The following ZNF823 variants were observed in gnomAD, a reference collection of about 807,000 sequenced individuals.
The protein encoded by ZNF823 is ZFP 36 for a zinc finger protein.
ZNF823 carries 5 observed loss-of-function variants against 11.4 expected under a neutral mutation model. That is an observed-to-expected ratio of 0.44 (90% CI 0.23 to 0.92). ZNF823 has a LOEUF of 0.92. Among genes scored for constraint, ZNF823 ranks in the 40% least tolerant of loss-of-function variants. The probability of loss-of-function intolerance (pLI) is 0.24; values close to 1 mark genes in which losing one functional copy is unlikely to be tolerated. For missense variants in ZNF823, 582 were observed against 738.5 expected, an observed-to-expected ratio of 0.79 and a Z score of 2.46; for synonymous variants, 234 against 250.5, an observed-to-expected ratio of 0.93 and a Z score of 0.62.
chr19:11,734,141 G>A lies in ZNF823; in HGVS notation c.3+4676C>T, dbSNP rs1038387103. On this transcript the variant is annotated intron_variant, in intron 1 of 3. Coordinates refer to ENST00000341191, the MANE Select transcript of ZNF823 (RefSeq NM_001080493.4). ...TCCCAGCTACTGGGGAGGCTGAGGT[G>A]GGAGGATCGCTTGAGGCTGGGAGGC... Among the ~76,000 whole-genome samples the A allele has an allele frequency of 2.6e-5, 4 of 151,774 alleles. No homozygotes were observed. The South Asian group carries it at 8.3e-4, about 32-fold the overall frequency.
intron 2 of ZNF823, among the ~76,000 whole-genome samples, chr19:11,724,980 A>G (rs1053487460): frequency 2.0e-5 from 3 of 152,276 alleles, no homozygotes; most frequent in South Asian, 4.1e-4. Context: ...TATGTTATCC[A>G]TAAGTGGGCC....
rs1245901597 is a variant in ZNF823 at position 11,723,091 on chromosome 19, T to A, written c.443A>T (p.Gln148Leu). Residue 148 changes from glutamine to leucine, a missense_variant, in exon 4 of 4, where the codon CAG becomes CTG. This residue lies in a region of ZNF823 where 429 missense variants were observed against 553.7 expected (regional missense o/e 0.77). Transcript: ENST00000341191. ...CCTTTCATGTGTCTGGAAGGAGTGC[T>A]GATGACTGATGGCTTTCCCACGTTG... The part of the protein sequence containing the change: ...HKQRGKAISH[Q>L]HSFQTHERPP... 1.2e-6 allele frequency: 2 copies of A among 1,614,120 alleles called. No homozygotes were observed. The highest frequency in any genetic ancestry group is 2.7e-5 in the African/African-American group (2 of 74,936).
At chr19:11,731,671 T>C (rs1217412217) in intron 1 of ZNF823, among the ~76,000 whole-genome samples, 1 of 152,150 alleles carries the variant, frequency 6.6e-6, no homozygotes, top group Non-Finnish European at 1.5e-5. Context: ...AACTAACCTT[T>C]TAACCAACTG....
At chr19:11,737,261 T>C (rs1975007521) in intron 1 of ZNF823, among the ~76,000 whole-genome samples, 1 of 152,068 alleles carries the variant, frequency 6.6e-6, no homozygotes, top group Non-Finnish European at 1.5e-5. Flanking sequence ...CACTATTTTT[T>C]TTTTCTTTTT....
rs971569050 is a variant in ZNF823, at chr19:11,722,022, A to G, written c.1512T>C (p.Cys504=). 5.0e-6 allele frequency: 8 copies of G among 1,614,114 alleles called. 1 individual carries two copies. In the Middle Eastern group the frequency reaches 1.2e-3, roughly 233 times the overall value. Residue 504 remains cysteine (C), a synonymous_variant, in exon 4 of 4, where the codon TGT becomes TGC. Coordinates refer to ENST00000341191, the MANE Select transcript of ZNF823 (RefSeq NM_001080493.4). This position sits in a 1 kb window ranked among gnomAD's most constrained non-coding sequence, Gnocchi z 5.2. ...TVEKPYECKT[C]RKAFSHFSNL... ...TACTGAAATGACTGAAGGCTTTTCT[A>G]CATGTTTTACACTCATAAGGTTTTT...
chr19:11,730,320 T>C (rs559768465), intron 1 of ZNF823: 2 of 152,258 alleles, frequency 1.3e-5, no homozygotes, highest in African/African-American at 4.8e-5. Flanking sequence ...GCGTGACTTA[T>C]GCCTGTCATC....
At chr19:11,737,099 T>A (rs1407954832) in intron 1 of ZNF823, among the ~76,000 whole-genome samples, 2 of 152,106 alleles carry the variant, frequency 1.3e-5, no homozygotes, top group South Asian at 4.1e-4. Flanking sequence ...GCTATGAGCA[T>A]CTTGGAGCAG....
At chr19:11,728,628 T>C (rs1974838787) in intron 1 of ZNF823, among the ~76,000 whole-genome samples, 1 of 152,098 alleles carries the variant, frequency 6.6e-6, no homozygotes, top group African/African-American at 2.4e-5. Context: ...CTACAAACTA[T>C]AGGGAATTCA....
Position 11,723,245 on chromosome 19 carries a change from G to C in ZNF823, c.289C>G (p.Pro97Ala). 6.2e-7 allele frequency: 1 copy of C among 1,614,040 alleles called. No individual in the cohort carries two copies. The highest frequency in any genetic ancestry group is 8.5e-7 in the Non-Finnish European group (1 of 1,179,932). Residue 97 changes from proline (P) to alanine (A), a missense_variant, in exon 4 of 4, where the codon CCA becomes GCA. Physicochemically the swap from Pro to Ala is conservative, Grantham distance 27. This residue lies in a region of ZNF823 where 429 missense variants were observed against 553.7 expected (regional missense o/e 0.77). Transcript: ENST00000341191. ...TCTCCACACTCACCACTGTCACATGGATTTACTCGAGGAGTGTTCTTGTTC... is the reference window on the plus strand; with the variant it reads ...TCTCCACACTCACCACTGTCACATGCATTTACTCGAGGAGTGTTCTTGTTC... Reference protein sequence around the residue: ...IVNKNTPRVNPCDSGECGEVV... With the variant: ...IVNKNTPRVNACDSGECGEVV...
intron 1 of ZNF823, among the ~76,000 whole-genome samples, chr19:11,735,720 C>A (rs558033626): frequency 6.6e-6 from 1 of 151,990 alleles, no homozygotes; most frequent in East Asian, 1.9e-4. Context: ...CTTACCCTTA[C>A]ATGCCTTACA....
rs1427752118 is a variant in ZNF823 at position 11,723,107 on chromosome 19, T to C, written c.427A>G (p.Lys143Glu). ...EKPYTHKQRGKAISHQHSFQT... is the reference protein window; with the variant it reads ...EKPYTHKQRGEAISHQHSFQT... ...AAGGAGTGCTGATGACTGATGGCTT[T>C]CCCACGTTGTTTATGTGTATATGGC... is the stretch of plus-strand genomic sequence containing the variant. Residue 143 changes from lysine (K) to glutamate (E), a missense_variant, in exon 4 of 4, where the codon AAA becomes GAA. Coordinates refer to ENST00000341191, the MANE Select transcript of ZNF823 (RefSeq NM_001080493.4). 6.2e-7 allele frequency: 1 copy of C among 1,614,098 alleles called. No individual in the cohort carries two copies. Among genetic ancestry groups the C allele is most frequent in the African/African-American group, 1.3e-5 (1 of 74,936 alleles).
chr19:11,737,324 C>T (rs1436154841), intron 1 of ZNF823, among the ~76,000 whole-genome samples: 1 of 152,032 alleles, frequency 6.6e-6, no homozygotes, highest in Non-Finnish European at 1.5e-5. Context: ...AGTGCAATGG[C>T]GTGATCTTGG....
intron 1 of ZNF823, among the ~76,000 whole-genome samples, chr19:11,728,926 A>G (rs1230258500): frequency 6.6e-6 from 1 of 152,204 alleles, no homozygotes; most frequent in Non-Finnish European, 1.5e-5. Context: ...TAATCCCAGC[A>G]TTTTGGAATG....
rs746276489 is a variant in ZNF823 at position 11,721,954 on chromosome 19, T to C, written c.1580A>G (p.Tyr527Cys). ...HERIHSGEKPYECKECGKAFS... is the reference protein window; with the variant it reads ...HERIHSGEKPCECKECGKAFS... Reference sequence around the variant, plus strand: ...TGCTTTTCCACATTCCTTACATTCATATGGCTTCTCTCCAGAGTGAATCCT... The same window carrying C: ...TGCTTTTCCACATTCCTTACATTCACATGGCTTCTCTCCAGAGTGAATCCT... Residue 527 changes from tyrosine to cysteine, a missense_variant, in exon 4 of 4, where the codon TAT (tyrosine) becomes TGT (cysteine). Transcript: ENST00000341191. 2 of 1,614,180 alleles carry C rather than the reference T, an allele frequency of 1.2e-6. No individual in the cohort carries two copies. The highest frequency in any genetic ancestry group is 1.7e-6 in the Non-Finnish European group (2 of 1,180,020).
chr19:11,734,783 C>A (rs1974962990), intron 1 of ZNF823, among the ~76,000 whole-genome samples: 1 of 152,144 alleles, frequency 6.6e-6, no homozygotes, highest in Admixed American at 6.5e-5. Flanking sequence ...AGGTGATCCA[C>A]CTGCCTCAGC....
intron 1 of ZNF823, among the ~76,000 whole-genome samples, chr19:11,727,999 C>T (rs1045458544): frequency 1.3e-5 from 2 of 151,366 alleles, no homozygotes; most frequent in African/African-American, 4.9e-5. Context: ...GCCTCAGCCT[C>T]CCAAGTAGTT....
At chr19:11,738,550 A>G (rs1568472268) in intron 1 of ZNF823, among the ~76,000 whole-genome samples, 1 of 152,150 alleles carries the variant, frequency 6.6e-6, no homozygotes, top group Non-Finnish European at 1.5e-5. Context: ...GGAGACGCGG[A>G]GCTGCGGGCG....
chr19:11,725,443 T>C (rs1974773459), intron 1 of ZNF823, 116 bp from the exon 2 acceptor site: 3 of 1,417,550 alleles, frequency 2.1e-6, no homozygotes, highest in Admixed American at 3.9e-5. Flanking sequence ...TTCGATGACA[T>C]AGTAAACCCA....
Position 11,730,170 on chromosome 19 carries a change from C to T in ZNF823, c.4-4843G>A, listed in dbSNP as rs150457754. On this transcript the variant is annotated intron_variant, in intron 1 of 3. Coordinates refer to ENST00000341191, the MANE Select transcript of ZNF823 (RefSeq NM_001080493.4). ...CTCAAACTCCCGACCTCAGATGATC[C>T]GCCTGCCTCGGCCTCCCAACGTGCT... 7.1e-4 allele frequency among the ~76,000 whole-genome samples: 108 copies of T among 152,194 alleles called. 1 individual carries two copies. Among genetic ancestry groups the T allele is most frequent in the African/African-American group, 1.5e-3 (62 of 41,518 alleles).
Sources: gnomAD v4.1 joint callset for allele counts (sites outside exome capture counted in the v4.1 genomes callset) on GRCh38, gnomAD v4.1.1 for gene constraint, gnomAD v4.1.1 regional missense constraint, Gnocchi (gnomAD v3.1) non-coding constraint, MANE v1.5 for transcripts, NCBI Gene and HGNC (gene_info 2026-07-23, HGNC 2026-07-21) for gene names.